CTSH: variants seen among roughly 807,000 people sequenced by gnomAD.
The protein encoded by CTSH is cathepsin H, also known as pro-cathepsin H.
CTSH carries 52 observed loss-of-function variants against 56.3 expected under a neutral mutation model. That is an observed-to-expected ratio of 0.92 (90% CI 0.74 to 1.16). The LOEUF is 1.16. CTSH is among the 50% of genes most tolerant of loss of function. CTSH has a pLI of 0.00. For missense variants in CTSH, 406 were observed against 424.5 expected (o/e 0.96, Z 0.38); for synonymous variants, 174 against 155.7 (o/e 1.12, Z -0.88).
chr15:78,930,959 C>T (rs1596278494), intron 7 of CTSH, among the ~76,000 whole-genome samples: 1 of 152,202 alleles, frequency 6.6e-6, no homozygotes, highest in South Asian at 2.1e-4. Flanking sequence ...TTCCTGGCAA[C>T]CTGCTTTACA....
Position 78,922,045 on chromosome 15 carries a change from A to T in CTSH, c.*85T>A. 7.7e-7 allele frequency: 1 copy of T among 1,305,594 alleles called. No individual in the cohort carries two copies. Among genetic ancestry groups the T allele is most frequent in the Non-Finnish European group, 1.1e-6 (1 of 929,424 alleles). 80.9% of individuals were successfully genotyped at this position (1,305,594 alleles called of 1,614,324 possible). ...GGGGGTCCCAGTGGATCTCCCCACAACTTCCTCCAGGGCAGGATTTCCACC... is the reference window on the plus strand; with the variant it reads ...GGGGGTCCCAGTGGATCTCCCCACATCTTCCTCCAGGGCAGGATTTCCACC... On this transcript the variant is annotated 3_prime_UTR_variant, in exon 12 of 12. Coordinates refer to ENST00000220166, the MANE Select transcript of CTSH (RefSeq NM_004390.5).
At chr15:78,944,534 T>C in intron 1 of CTSH, 1 of 195,614 alleles carries the variant, frequency 5.1e-6, no homozygotes, top group Non-Finnish European at 1.0e-5. Context: ...ACGTCCTTGC[T>C]CACCTCTGGC....
intron 3 of CTSH, chr15:78,937,008 AC>A (rs1367785208): frequency 1.2e-5 from 4 of 327,596 alleles, no homozygotes; most frequent in Non-Finnish European, 2.3e-5. Flanking sequence ...AGCAACCCCT[AC>A]CCCCCGCAAC....
intron 9 of CTSH, chr15:78,927,180 G>A (rs2054923626): frequency 6.5e-6 from 1 of 153,810 alleles, no homozygotes; most frequent in Non-Finnish European, 1.4e-5. Context: ...TAGAGCTAGG[G>A]CATCATTTAC....
chr15:78,929,660 A>G (rs941183651), intron 7 of CTSH, among the ~76,000 whole-genome samples, 167 bp from the exon 8 acceptor site: 27 of 152,122 alleles, frequency 1.8e-4, no homozygotes, highest in African/African-American at 5.8e-4. Context: ...GATAAGACTC[A>G]GCAAACTCAG....
chr15:78,940,073 G>C (rs987094001), intron 1 of CTSH, among the ~76,000 whole-genome samples: 9 of 152,108 alleles, frequency 5.9e-5, no homozygotes, highest in African/African-American at 1.9e-4. Context: ...CTGCGTTCCC[G>C]CAAGACTTCA....
chr15:78,925,504 A>G, intron 9 of CTSH, 64 bp from the exon 10 acceptor site: 1 of 1,155,274 alleles, frequency 8.7e-7, no homozygotes, highest in Non-Finnish European at 1.3e-6. Flanking sequence ...TTCACAGTAC[A>G]GCCTTTTGCC....
chr15:78,925,056 A>G (rs1367699292), intron 10 of CTSH, among the ~76,000 whole-genome samples: 3 of 152,052 alleles, frequency 2.0e-5, no homozygotes, highest in African/African-American at 7.2e-5. Context: ...AAAGCTCTCA[A>G]ATTTTGGCCC....
intron 2 of CTSH, among the ~76,000 whole-genome samples, chr15:78,938,355 T>G (rs1455894570): frequency 6.6e-6 from 1 of 150,862 alleles, no homozygotes; most frequent in Non-Finnish European, 1.5e-5. Context: ...GGTGACAAAG[T>G]GAGACTCTGT....
At chr15:78,925,589 GTC>G in intron 9 of CTSH, 149 bp from the exon 10 acceptor site, 2 of 592,458 alleles carry the variant, frequency 3.4e-6, no homozygotes, top group Admixed American at 5.0e-5. Context: ...CTCCCTTCCT[GTC>G]TCTGGCTGGG....
chr15:78,942,192 T>TCC (rs928358778), intron 1 of CTSH, among the ~76,000 whole-genome samples: 10 of 139,924 alleles, frequency 7.1e-5, no homozygotes, highest in African/African-American at 2.4e-4. Flanking sequence ...CACTCAGCCC[T>TCC]CCCTCCCTCC....
At chr15:78,939,704 A>G (rs1409609036) in intron 1 of CTSH, among the ~76,000 whole-genome samples, 1 of 152,216 alleles carries the variant, frequency 6.6e-6, no homozygotes, top group African/African-American at 2.4e-5. Context: ...CTTGGCCAAC[A>G]TGGCGAAACC....
At chr15:78,937,249 G>C in intron 3 of CTSH, 69 bp downstream of exon 3, 1 of 1,309,284 alleles carries the variant, frequency 7.6e-7, no homozygotes, top group Non-Finnish European at 1.1e-6. Context: ...CCAGCCCCCA[G>C]CGGGCCCTTT....
rs539009230 is a variant in CTSH, at chr15:78,921,656, C to A, written c.*474G>T. 2 of 154,328 alleles carry A rather than the reference C, an allele frequency of 1.3e-5. No homozygotes were observed. Among genetic ancestry groups the A allele is most frequent in the African/African-American group, 4.8e-5 (2 of 41,626 alleles). 9.6% of individuals were successfully genotyped at this position (154,328 alleles called of 1,614,324 possible). A position where few individuals can be genotyped will look rare whatever the true frequency, so the allele number is the denominator to read the frequency against. ...CATCTGGTGGATAATACCGCCAGCA[C>A]CCCCACCATCCTCCCAGCCAGAGCC... On this transcript the variant is annotated 3_prime_UTR_variant, in exon 12 of 12. Coordinates refer to ENST00000220166, the MANE Select transcript of CTSH (RefSeq NM_004390.5).
At chr15:78,935,634 G>C (rs202107390) in intron 4 of CTSH, 46 bp downstream of exon 4, 1 of 1,516,356 alleles carries the variant, frequency 6.6e-7, no homozygotes, top group East Asian at 2.3e-5. Flanking sequence ...TATTCCAAAG[G>C]TTTCAGTAAA....
intron 8 of CTSH, 76 bp from the exon 9 acceptor site, chr15:78,927,857 T>C (rs1327510429): frequency 1.6e-6 from 2 of 1,216,328 alleles, no homozygotes; most frequent in Non-Finnish European, 2.4e-6. Flanking sequence ...TTCAATAACA[T>C]TTACTAAACA....
intron 6 of CTSH, 145 bp downstream of exon 6, chr15:78,932,227 T>C (rs913349411): frequency 1.2e-6 from 1 of 834,164 alleles, no homozygotes; most frequent in Non-Finnish European, 1.9e-6. Context: ...GAGATTCTCA[T>C]GCCAGATGTC....
intron 10 of CTSH, among the ~76,000 whole-genome samples, chr15:78,923,459 T>C (rs2054822757): frequency 6.6e-6 from 1 of 152,182 alleles, no homozygotes; most frequent in African/African-American, 2.4e-5. Flanking sequence ...CAGCTAATTT[T>C]TGTATTTTGG....
At chr15:78,937,689 C>T in intron 2 of CTSH, 1 of 1,379,654 alleles carries the variant, frequency 7.2e-7, no homozygotes, top group Non-Finnish European at 9.6e-7. Flanking sequence ...AACAAACCTG[C>T]CACATGTGGG....
Sources: allele counts gnomAD v4.1 joint callset (sites outside exome capture counted in the v4.1 genomes callset), GRCh38; gene constraint gnomAD v4.1.1; transcripts MANE v1.5; gene names NCBI Gene and HGNC (gene_info 2026-07-23, HGNC 2026-07-21).